Variants in PDGFC observed in about 807,000 individuals in gnomAD.
PDGFC encodes the protein platelet derived growth factor C.
In PDGFC, 12 loss-of-function variants were observed where a neutral mutation model predicts 35.5. The ratio of observed to expected loss-of-function variants is 0.34; its 90% CI spans 0.22 to 0.55. PDGFC has a LOEUF of 0.55. Ranked by LOEUF, PDGFC falls within the 20% of genes least tolerant of loss-of-function variation. PDGFC has a pLI of 0.91. For missense variants in PDGFC, 322 were observed against 412.4 expected (o/e 0.78, Z 1.90); for synonymous variants, 159 against 148.8 (o/e 1.07, Z -0.50).
chr4:156,818,180 T>A (rs1560824395), intron 2 of PDGFC, among the ~76,000 whole-genome samples: 1 of 150,222 alleles, frequency 6.7e-6, no homozygotes, highest in Non-Finnish European at 1.5e-5. Context: ...AATTCCCAAG[T>A]AAATTGTAAT....
chr4:156,823,825 C>T (rs992592018), intron 2 of PDGFC, among the ~76,000 whole-genome samples: 2 of 152,102 alleles, frequency 1.3e-5, no homozygotes, highest in Admixed American at 1.3e-4. Flanking sequence ...GATATTAAAG[C>T]AACCTAAGTG....
chr4:156,953,821 A>C (rs1029907587), intron 1 of PDGFC, among the ~76,000 whole-genome samples: 2 of 151,854 alleles, frequency 1.3e-5, no homozygotes, highest in African/African-American at 4.8e-5. Flanking sequence ...CAATACCCCC[A>C]ACTCACCCCA....
chr4:156,937,632 T>C (rs945159811), intron 1 of PDGFC, among the ~76,000 whole-genome samples: 6 of 152,056 alleles, frequency 3.9e-5, no homozygotes, highest in African/African-American at 1.4e-4. Flanking sequence ...CCCCAGGAGG[T>C]TGGCGCTGCA....
At chr4:156,935,456 G>C (rs1310795090) in intron 1 of PDGFC, among the ~76,000 whole-genome samples, 1 of 152,156 alleles carries the variant, frequency 6.6e-6, no homozygotes, top group Admixed American at 6.5e-5. Flanking sequence ...TGGCAGTGCA[G>C]GAGGTTTGTT....
At chr4:156,915,357 C>T (rs982848867) in intron 1 of PDGFC, among the ~76,000 whole-genome samples, 8 of 152,098 alleles carry the variant, frequency 5.3e-5, no homozygotes. Context: ...AGGCTCCCAT[C>T]CACCTAATTG....
At chr4:156,870,553 C>T (rs996267386) in intron 1 of PDGFC, among the ~76,000 whole-genome samples, 8 of 151,998 alleles carry the variant, frequency 5.3e-5, no homozygotes, top group African/African-American at 1.4e-4. Flanking sequence ...AAAGTATTAT[C>T]CCTGTTGTAT....
intron 1 of PDGFC, among the ~76,000 whole-genome samples, chr4:156,933,910 C>G (rs990182282): frequency 2.0e-5 from 3 of 152,136 alleles, no homozygotes; most frequent in African/African-American, 7.2e-5. Context: ...CAAGGCCTCC[C>G]CAGCCATGTG....
chr4:156,952,635 T>C (rs1732111768), intron 1 of PDGFC, among the ~76,000 whole-genome samples: 1 of 151,858 alleles, frequency 6.6e-6, no homozygotes, highest in Non-Finnish European at 1.5e-5. Flanking sequence ...GCCTAAGATA[T>C]TTCCTGATAA....
intron 2 of PDGFC, among the ~76,000 whole-genome samples, chr4:156,840,271 G>A (rs1276658730): frequency 6.6e-6 from 1 of 152,152 alleles, no homozygotes; most frequent in Non-Finnish European, 1.5e-5. Flanking sequence ...TGCAGCCTAG[G>A]GACTTAGTGC....
chr4:156,967,361 G>A (rs945823211), intron 1 of PDGFC: 10 of 152,150 alleles, frequency 6.6e-5, no homozygotes, highest in South Asian at 4.1e-4. Context: ...ACAAGATACC[G>A]GCAAAAGGGC....
chr4:156,906,009 T>C (rs181910214), intron 1 of PDGFC, among the ~76,000 whole-genome samples: 2 of 152,170 alleles, frequency 1.3e-5, no homozygotes, highest in African/African-American at 4.8e-5. Flanking sequence ...CTTCATCAGA[T>C]ACTTGTGTAA....
At chr4:156,929,855 C>T (rs1731509854) in intron 1 of PDGFC, among the ~76,000 whole-genome samples, 1 of 152,166 alleles carries the variant, frequency 6.6e-6, no homozygotes, top group South Asian at 2.1e-4. Flanking sequence ...TTTCAAGATG[C>T]CTGTGTTGAC....
intron 1 of PDGFC, among the ~76,000 whole-genome samples, chr4:156,955,695 G>A (rs1055786016): frequency 3.3e-5 from 5 of 151,898 alleles, no homozygotes; most frequent in African/African-American, 7.2e-5. Flanking sequence ...TTATTATTAG[G>A]AATTGGCGCA....
chr4:156,907,438 G>C (rs1730940427), intron 1 of PDGFC, among the ~76,000 whole-genome samples: 1 of 152,156 alleles, frequency 6.6e-6, no homozygotes, highest in South Asian at 2.1e-4. Flanking sequence ...TGGAGAAAGG[G>C]AACATAAAGG....
chr4:156,928,831 T>C (rs1391583589), intron 1 of PDGFC, among the ~76,000 whole-genome samples: 2 of 152,242 alleles, frequency 1.3e-5, no homozygotes, highest in Non-Finnish European at 2.9e-5. Flanking sequence ...TTTTCTCATA[T>C]TGGTTATCCT....
intron 1 of PDGFC, among the ~76,000 whole-genome samples, chr4:156,950,572 A>G (rs1425239765): frequency 6.6e-6 from 1 of 151,792 alleles, no homozygotes; most frequent in Non-Finnish European, 1.5e-5. Context: ...TTAAAATATT[A>G]ATAAAATTAA....
At chr4:156,775,385 GATAAA>G (rs1730802439) in intron 3 of PDGFC, among the ~76,000 whole-genome samples, 1 of 152,126 alleles carries the variant, frequency 6.6e-6, no homozygotes, top group South Asian at 2.1e-4. Context: ...AATCTGTACA[GATAAA>G]ATAAGTGGTT....
At chr4:156,765,814 T>A (rs1730508583) in intron 5 of PDGFC, among the ~76,000 whole-genome samples, 1 of 152,088 alleles carries the variant, frequency 6.6e-6, no homozygotes, top group Non-Finnish European at 1.5e-5. Context: ...AACCAAAGAA[T>A]AAGACTAGGC....
At chr4:156,889,990 ACT>A (rs1730465779) in intron 1 of PDGFC, among the ~76,000 whole-genome samples, 1 of 152,034 alleles carries the variant, frequency 6.6e-6, no homozygotes, top group Admixed American at 6.6e-5. Context: ...TTATTTTTTA[ACT>A]CTTTTACTTA....
Sources: allele counts gnomAD v4.1 joint callset (sites outside exome capture counted in the v4.1 genomes callset), GRCh38; gene constraint gnomAD v4.1.1; transcripts MANE v1.5; gene names NCBI Gene and HGNC (gene_info 2026-07-23, HGNC 2026-07-21).